The following PLD5 variants were observed in gnomAD, a reference collection of about 807,000 sequenced individuals.
PLD5 encodes the protein inactive phospholipase D5.
In PLD5, 36 loss-of-function variants were observed where a neutral mutation model predicts 61.1. The observed-to-expected ratio is 0.59, with a 90% confidence interval of 0.45 to 0.78. The LOEUF (loss-of-function observed/expected upper bound fraction) is 0.78, where lower values mean the gene tolerates loss of function less well. Among genes scored for constraint, PLD5 ranks in the 30% least tolerant of loss-of-function variants. The probability of loss-of-function intolerance (pLI) is 0.00; values close to 1 mark genes in which losing one functional copy is unlikely to be tolerated. For synonymous variants in PLD5, 243 were observed against 242.8 expected, an observed-to-expected ratio of 1.00 and a Z score of -0.01; for missense variants, 515 against 644.4, an observed-to-expected ratio of 0.80 and a Z score of 2.17.
At chr1:242,527,087 G>C (rs1242730164), upstream of PLD5, among the ~76,000 whole-genome samples, 2 of 141,270 alleles carry the variant, frequency 1.4e-5, no homozygotes, top group African/African-American at 5.3e-5. Flanking sequence ...TATACATAGT[G>C]ACTGCAGTAG....
intron 5 of PLD5, among the ~76,000 whole-genome samples, chr1:242,211,573 T>G (rs1353692596): frequency 1.3e-5 from 2 of 152,166 alleles, no homozygotes; most frequent in South Asian, 2.1e-4. Flanking sequence ...CGGCTGCTGG[T>G]GCCGGCCGCC....
intron 2 of PLD5, among the ~76,000 whole-genome samples, chr1:242,292,669 T>C (rs971862114): frequency 2.0e-5 from 3 of 152,210 alleles, no homozygotes; most frequent in South Asian, 2.1e-4. Context: ...CCTTCAGTTA[T>C]GAACATAGGC....
At chr1:242,195,048 C>G (rs1004286248) in intron 5 of PLD5, among the ~76,000 whole-genome samples, 6 of 152,212 alleles carry the variant, frequency 3.9e-5, no homozygotes, top group African/African-American at 1.4e-4. Flanking sequence ...AAATAAAAAA[C>G]AGAGATAACA....
At chr1:242,184,267 A>G (rs1229469235) in intron 5 of PLD5, among the ~76,000 whole-genome samples, 3 of 152,218 alleles carry the variant, frequency 2.0e-5, no homozygotes, top group Non-Finnish European at 2.9e-5. Context: ...AAATTTTACT[A>G]GGTTTGCCTT....
chr1:242,515,465 G>A (rs1004677117), intron 1 of PLD5, among the ~76,000 whole-genome samples: 25 of 152,064 alleles, frequency 1.6e-4, no homozygotes, highest in African/African-American at 5.1e-4. Flanking sequence ...CACCTACCTC[G>A]GCCTCCCAAA....
At chr1:242,195,986 G>T (rs1668617738) in intron 5 of PLD5, among the ~76,000 whole-genome samples, 1 of 152,162 alleles carries the variant, frequency 6.6e-6, no homozygotes, top group Non-Finnish European at 1.5e-5. Context: ...ATGTAAGGGG[G>T]ATGGACGGAA....
intron 2 of PLD5, among the ~76,000 whole-genome samples, chr1:242,328,486 T>TTATGTGTTCTACATATG (rs1236691856): frequency 1.3e-5 from 2 of 152,166 alleles, no homozygotes; most frequent in African/African-American, 4.8e-5. Context: ...TTCTACATAT[T>TTATGTGTTCTACATATG]TATGTGTTCT....
intron 2 of PLD5, among the ~76,000 whole-genome samples, chr1:242,344,606 C>A (rs1225280508): frequency 6.6e-6 from 1 of 152,124 alleles, no homozygotes; most frequent in Non-Finnish European, 1.5e-5. Flanking sequence ...TTTCCTGATG[C>A]TTTGGCATGG....
At chr1:242,459,879 T>G (rs1473125360) in intron 1 of PLD5, among the ~76,000 whole-genome samples, 1 of 152,172 alleles carries the variant, frequency 6.6e-6, no homozygotes, top group Non-Finnish European at 1.5e-5. Context: ...ATGGATAAGA[T>G]AGGGCTATAA....
At chr1:242,474,141 T>G (rs769514259) in intron 1 of PLD5, among the ~76,000 whole-genome samples, 5 of 152,198 alleles carry the variant, frequency 3.3e-5, no homozygotes, top group Non-Finnish European at 7.3e-5. Context: ...TGAGAGACAT[T>G]AGGCAAAAGT....
At chr1:242,444,727 T>TA (rs1666445844) in intron 1 of PLD5, among the ~76,000 whole-genome samples, 1 of 1,830 alleles carries the variant, frequency 5.5e-4, no homozygotes, top group Non-Finnish European at 4.0e-3. Context: ...AAATAATATA[T>TA]ATATTATTTG....
At chr1:242,204,464 G>A (rs1669195549) in intron 5 of PLD5, among the ~76,000 whole-genome samples, 1 of 152,138 alleles carries the variant, frequency 6.6e-6, no homozygotes, top group Non-Finnish European at 1.5e-5. Context: ...CCACCTTGCT[G>A]TACTGCTGAC....
chr1:242,121,946 TGGGGGGA>T (rs1268766854), intron 6 of PLD5, among the ~76,000 whole-genome samples: 14 of 24,512 alleles, frequency 5.7e-4, no homozygotes, highest in Admixed American at 5.8e-4. Context: ...TGTCATGGGG[TGGGGGGA>T]GGGGGGAGGG....
chr1:242,185,227 A>G (rs926545124), intron 5 of PLD5, among the ~76,000 whole-genome samples: 1 of 152,170 alleles, frequency 6.6e-6, no homozygotes, highest in Non-Finnish European at 1.5e-5. Context: ...AGCTACTCCA[A>G]TGAATAATGC....
At chr1:242,394,519 T>C (rs1663279430) in intron 1 of PLD5, among the ~76,000 whole-genome samples, 1 of 53,554 alleles carries the variant, frequency 1.9e-5, no homozygotes, top group Non-Finnish European at 3.3e-5. Context: ...TGTGAACATA[T>C]ATATGTGTAT....
At chr1:242,148,483 C>G (rs1664698090) in intron 5 of PLD5, among the ~76,000 whole-genome samples, 1 of 151,506 alleles carries the variant, frequency 6.6e-6, no homozygotes, top group Non-Finnish European at 1.5e-5. Context: ...TTTGCCCTTT[C>G]TAAATAAATG....
In PLD5 at chr1:242,372,389, T is replaced by C. The variant is rs563399655; in HGVS notation, c.190-24147A>G. Among the ~76,000 whole-genome samples the C allele has an allele frequency of 4.6e-5, 7 of 152,136 alleles. No individual in the cohort carries two copies. The East Asian group carries it at 1.3e-3, about 29-fold the overall frequency. ...TGCCCAAGGTAATTTACAGATTCAA[T>C]GCCATCCCCATCAAGCTACCAATGA... On this transcript the variant is annotated intron_variant, in intron 1 of 9. Transcript: ENST00000536534.
intron 2 of PLD5, among the ~76,000 whole-genome samples, chr1:242,297,621 CTTTTTTTTTT>C (rs56851216): frequency 3.7e-5 from 4 of 107,224 alleles, no homozygotes; most frequent in African/African-American, 1.0e-4. Context: ...ATTCATGTTT[CTTTTTTTTTT>C]TTTTTTTTTT....
intron 5 of PLD5, among the ~76,000 whole-genome samples, chr1:242,179,893 A>G (rs1446274603): frequency 1.3e-5 from 2 of 148,346 alleles, no homozygotes; most frequent in Non-Finnish European, 3.0e-5. Context: ...ACAGAGTGAG[A>G]CTCTGTCTCA....
Sources: gnomAD v4.1 joint callset for allele counts (sites outside exome capture counted in the v4.1 genomes callset) on GRCh38, gnomAD v4.1.1 for gene constraint, MANE v1.5 for transcripts, NCBI Gene and HGNC (gene_info 2026-07-23, HGNC 2026-07-21) for gene names.